PRKCH: variants seen among roughly 807,000 people sequenced by gnomAD.
PRKCH encodes protein kinase C eta.
PRKCH carries 28 observed loss-of-function variants against 82.5 expected under a neutral mutation model. The observed-to-expected ratio is 0.34, with a 90% CI of 0.25 to 0.47. The LOEUF is 0.47. PRKCH is among the 20% of genes least tolerant of loss of function. The pLI is 1.00. For missense variants in PRKCH, 705 were observed against 881.8 expected, an observed-to-expected ratio of 0.80 and a Z score of 2.54; for synonymous variants, 322 against 327.4, an observed-to-expected ratio of 0.98 and a Z score of 0.18.
intron 9 of PRKCH, among the ~76,000 whole-genome samples, chr14:61,482,330 G>A (rs1886017167): frequency 6.6e-6 from 1 of 152,072 alleles, no homozygotes; most frequent in African/African-American, 2.4e-5. Context: ...GAGATTTTTT[G>A]TCGTTTATCT....
chr14:61,534,096 T>C (rs1487118282), intron 12 of PRKCH, among the ~76,000 whole-genome samples: 2 of 152,190 alleles, frequency 1.3e-5, no homozygotes, highest in Non-Finnish European at 2.9e-5. Flanking sequence ...CTTAAATCAA[T>C]TGGGGCCTTT....
intron 1 of PRKCH, among the ~76,000 whole-genome samples, chr14:61,275,055 GA>G (rs1289316736): frequency 2.6e-5 from 4 of 152,164 alleles, no homozygotes; most frequent in African/African-American, 4.8e-5. Context: ...GCATGAATAG[GA>G]AATGTTTCCT....
chr14:61,371,679 G>A (rs1374454623), intron 1 of PRKCH, among the ~76,000 whole-genome samples: 3 of 151,860 alleles, frequency 2.0e-5, no homozygotes, highest in Non-Finnish European at 4.4e-5. Context: ...TATCACTGTT[G>A]ATGTGAACCT....
chr14:61,325,568 A>C (rs1212242954), intron 1 of PRKCH, among the ~76,000 whole-genome samples: 1 of 152,230 alleles, frequency 6.6e-6, no homozygotes, highest in Non-Finnish European at 1.5e-5. Flanking sequence ...AAAAATTTTT[A>C]GATAGCGTAC....
intron 10 of PRKCH, among the ~76,000 whole-genome samples, chr14:61,523,256 G>A (rs2042927203): frequency 6.6e-6 from 1 of 152,112 alleles, no homozygotes; most frequent in Non-Finnish European, 1.5e-5. Context: ...CACAAGCTAA[G>A]AAAAAAACCT....
chr14:61,202,854 T>G (rs72725844), intron 1 of PRKCH, among the ~76,000 whole-genome samples: 5,326 of 152,230 alleles, frequency 0.035, 160 homozygotes, highest in Non-Finnish European at 0.049. Flanking sequence ...GTTATATTGA[T>G]GAGCCAATAT....
chr14:61,527,752 C>T (rs1414043592), intron 10 of PRKCH, among the ~76,000 whole-genome samples: 3 of 152,166 alleles, frequency 2.0e-5, no homozygotes, highest in African/African-American at 7.2e-5. Context: ...GGCCCCAGCA[C>T]TCCTCTGTCC....
chr14:61,315,050 A>C (rs138290552), intron 1 of PRKCH, among the ~76,000 whole-genome samples: 83 of 152,272 alleles, frequency 5.5e-4, no homozygotes, highest in African/African-American at 1.8e-3. Context: ...TTTTTCTTTC[A>C]TTCTGAGAAA....
intron 1 of PRKCH, among the ~76,000 whole-genome samples, chr14:61,234,128 G>A (rs1192659679): frequency 6.6e-6 from 1 of 152,120 alleles, no homozygotes; most frequent in Non-Finnish European, 1.5e-5. Context: ...TTTACCACTA[G>A]GCAATATAGC....
At chr14:61,358,692 C>T (rs112892150) in intron 1 of PRKCH, among the ~76,000 whole-genome samples, 1,564 of 152,274 alleles carry the variant, frequency 0.01, 40 homozygotes, top group African/African-American at 0.036. Context: ...GGCCAATCTC[C>T]TTAGCATGGT....
At chr14:61,418,117 C>T (rs904202942) in intron 2 of PRKCH, among the ~76,000 whole-genome samples, 3 of 152,218 alleles carry the variant, frequency 2.0e-5, no homozygotes, top group African/African-American at 4.8e-5. Flanking sequence ...GCTGTGTTTA[C>T]TAAAGTGAGT....
rs750885430 is a variant in PRKCH at position 61,280,098 on chromosome 14, C to CTCG, written c.-19+92442_-19+92444dup. The CTCG allele has an allele frequency of 1.2e-6, 2 of 1,607,682 alleles. No individual in the cohort carries two copies. The highest frequency in any genetic ancestry group is 1.3e-5 in the African/African-American group (1 of 74,706). The stretch of plus-strand genomic sequence containing the variant: ...GATCCCTGGAAAGCCGGAATCACTC[C>CTCG]TCGTCGTCGTCGTCCTGGTCCTGGT... On this transcript the variant is annotated intron_variant, in intron 1 of 3. Transcript: ENST00000555185. The surrounding 1 kb of genome is among the most constrained non-coding windows in gnomAD (Gnocchi z 5.0).
At chr14:61,279,241 C>T (rs1566804097) in intron 1 of PRKCH, 1 of 152,200 alleles carries the variant, frequency 6.6e-6, no homozygotes, top group South Asian at 2.1e-4. Context: ...TGTCCTACAA[C>T]TCTGTATGCC....
At chr14:61,339,346 C>T (rs1329708625) in intron 1 of PRKCH, among the ~76,000 whole-genome samples, 4 of 149,572 alleles carry the variant, frequency 2.7e-5, no homozygotes, top group Non-Finnish European at 5.9e-5. Context: ...TTTTCCGAGA[C>T]GGAGTCTCAC....
chr14:61,377,620 A>C (rs1353731776), intron 1 of PRKCH, among the ~76,000 whole-genome samples: 1 of 152,162 alleles, frequency 6.6e-6, no homozygotes, highest in Non-Finnish European at 1.5e-5. Context: ...TATGTAACTA[A>C]AGGGTTGTGA....
intron 2 of PRKCH, among the ~76,000 whole-genome samples, chr14:61,405,620 G>T (rs1017063879): frequency 6.6e-6 from 1 of 152,064 alleles, no homozygotes; most frequent in African/African-American, 2.4e-5. Flanking sequence ...TCAGGTGATC[G>T]GCACCCCTTG....
chr14:61,202,456 G>A (rs1315174655), intron 1 of PRKCH, among the ~76,000 whole-genome samples: 1 of 152,178 alleles, frequency 6.6e-6, no homozygotes, highest in Non-Finnish European at 1.5e-5. Context: ...GGAGGTATTT[G>A]AAAGGTATTG....
At chr14:61,323,967 G>C (rs970154831) in intron 1 of PRKCH, among the ~76,000 whole-genome samples, 2 of 152,146 alleles carry the variant, frequency 1.3e-5, no homozygotes, top group African/African-American at 4.8e-5. Flanking sequence ...GCCATGAGAA[G>C]CATCTCTTCC....
At chr14:61,189,241 G>A (rs921864753) in intron 1 of PRKCH, among the ~76,000 whole-genome samples, 3 of 152,334 alleles carry the variant, frequency 2.0e-5, no homozygotes, top group South Asian at 2.1e-4. Context: ...CCAGCTTGCC[G>A]ATCTCCCAGC....
Sources: gnomAD v4.1 joint callset for allele counts (sites outside exome capture counted in the v4.1 genomes callset) on GRCh38, gnomAD v4.1.1 for gene constraint, Gnocchi (gnomAD v3.1) non-coding constraint, MANE v1.5 for transcripts, NCBI Gene and HGNC (gene_info 2026-07-23, HGNC 2026-07-21) for gene names.